IFT88: variants seen among roughly 807,000 people sequenced by gnomAD.
IFT88 encodes intraflagellar transport 88.
Under a neutral mutation model 119.5 loss-of-function variants are expected in IFT88, and 74 were observed. The observed-to-expected ratio is 0.62, with a 90% CI of 0.51 to 0.75. The LOEUF (loss-of-function observed/expected upper bound fraction) is 0.75. IFT88 is among the 30% of genes least tolerant of loss of function. The pLI, the probability that IFT88 is intolerant of heterozygous loss-of-function variation, is 0.00. For synonymous variants in IFT88, 279 were observed against 316.7 expected, an observed-to-expected ratio of 0.88 and a Z score of 1.26; for missense variants, 961 against 977.7, an observed-to-expected ratio of 0.98 and a Z score of 0.23.
chr13:20,605,717 G>A (rs2043323197), intron 13 of IFT88, among the ~76,000 whole-genome samples: 2 of 152,258 alleles, frequency 1.3e-5, no homozygotes, highest in Admixed American at 6.5e-5. Flanking sequence ...TGGGCCTCCT[G>A]AACTCCTGAC....
At position 20,630,289 on chromosome 13, in the gene IFT88, T is replaced by C. The variant is rs185724537; in HGVS notation, c.1300-727T>C. 1.3e-3 allele frequency among the ~76,000 whole-genome samples: 201 copies of C among 152,338 alleles called. 2 individuals carry two copies. Among genetic ancestry groups the C allele is most frequent in the African/African-American group, 4.5e-3 (189 of 41,588 alleles). Reference sequence around the variant, plus strand: ...TTTAGTCTGAACATTTTCTGGGACCTTGGCCTTAAAGTCCTGTTTGCTTTG... The same window carrying C: ...TTTAGTCTGAACATTTTCTGGGACCCTGGCCTTAAAGTCCTGTTTGCTTTG... On this transcript the variant is annotated intron_variant, in intron 15 of 25. Transcript: ENST00000351808.
At chr13:20,604,926 A>G in intron 12 of IFT88, 109 bp from the exon 13 acceptor site, 1 of 537,880 alleles carries the variant, frequency 1.9e-6, no homozygotes, top group Non-Finnish European at 3.4e-6. Context: ...ACTGCACTGC[A>G]GCCTGGGCAA....
In IFT88 at chr13:20,672,450, C is replaced by T. The variant is rs116350237; in HGVS notation, c.2242+1411C>T. 3.1e-3 allele frequency among the ~76,000 whole-genome samples: 466 copies of T among 152,298 alleles called. 1 individual carries two copies. The highest frequency in any genetic ancestry group is 0.011 in the African/African-American group (450 of 41,554). ...TAGCCACTTCCATCTCTTCAGCCAC[C>T]ATGGTCCTGATGGCTACTCCTGTCT... On this transcript the variant is annotated intron_variant, in intron 24 of 25. Transcript: ENST00000351808.
At chr13:20,568,179 TAAAAA>T (rs34335945) in intron 1 of IFT88, among the ~76,000 whole-genome samples, 2 of 143,854 alleles carry the variant, frequency 1.4e-5, no homozygotes, top group African/African-American at 5.1e-5. Flanking sequence ...ACCTTTCACT[TAAAAA>T]AAAAAAAGGT....
At chr13:20,621,639 CAG>C (rs1290544449) in intron 14 of IFT88, among the ~76,000 whole-genome samples, 10 of 149,894 alleles carry the variant, frequency 6.7e-5, no homozygotes, top group African/African-American at 1.7e-4. Flanking sequence ...ACAGAATGTA[CAG>C]AGTTTCCATA....
At chr13:20,609,842 G>A (rs1566181069) in intron 13 of IFT88, among the ~76,000 whole-genome samples, 2 of 152,198 alleles carry the variant, frequency 1.3e-5, no homozygotes, top group African/African-American at 4.8e-5. Context: ...CACGACCCCA[G>A]TAGGTAACCC....
At chr13:20,569,344 C>T (rs367565870) in intron 1 of IFT88, among the ~76,000 whole-genome samples, 20 of 148,968 alleles carry the variant, frequency 1.3e-4, no homozygotes, top group East Asian at 8.3e-4. Flanking sequence ...GAGGCCGAGC[C>T]GGGCGGATCA....
At chr13:20,575,131 G>T (rs894984025) in intron 2 of IFT88, among the ~76,000 whole-genome samples, 1 of 150,654 alleles carries the variant, frequency 6.6e-6, no homozygotes, top group Non-Finnish European at 1.5e-5. Flanking sequence ...CCAGCCTCTG[G>T]TAATCATCCT....
chr13:20,570,334 A>G (rs1232530831), intron 1 of IFT88, among the ~76,000 whole-genome samples: 1 of 152,242 alleles, frequency 6.6e-6, no homozygotes, highest in Non-Finnish European at 1.5e-5. Flanking sequence ...AAAGTTAAAC[A>G]TAGAGTTACT....
At chr13:20,587,353 G>T (rs912832285) in intron 3 of IFT88, among the ~76,000 whole-genome samples, 13 of 152,142 alleles carry the variant, frequency 8.5e-5, no homozygotes, top group African/African-American at 3.1e-4. Context: ...CACCTCCTGG[G>T]TTCAAGCAAT....
intron 16 of IFT88, 50 bp downstream of exon 16, chr13:20,631,152 T>C (rs1390401839): frequency 8.6e-7 from 1 of 1,167,676 alleles, no homozygotes. Context: ...TTTATATTGC[T>C]AAATTTCTGC....
Position 20,591,665 on chromosome 13 carries a change from C to G in IFT88, c.312C>G (p.Thr104=). ...PMTAVRAAGF[T]KAALRGSAFD... ...CAGCAGTGAGAGCAGCTGGTTTTAC[C>G]AAAGCAGCTTTGAGAGGTTTGTTAC... The change falls in exon 6 of 26, where the codon ACC becomes ACG. Residue 104 remains threonine (T), a synonymous_variant. Coordinates refer to ENST00000351808, the MANE Select transcript of IFT88 (RefSeq NM_006531.5). The G allele has an allele frequency of 6.2e-7, 1 of 1,611,194 alleles. No individual in the cohort carries two copies. The highest frequency in any genetic ancestry group is 8.5e-7 in the Non-Finnish European group (1 of 1,177,782).
Position 20,599,643 on chromosome 13 carries a change from C to T in IFT88, c.812+78C>T, listed in dbSNP as rs758764952. ...CAAGATAACTCTTCTGACCTGTTTT[C>T]AGTGGGTTGAACATTTCAAAGTGTT... On this transcript the variant is annotated intron_variant, in intron 11 of 25. Transcript: ENST00000351808. 1.4e-3 allele frequency: 953 copies of T among 672,572 alleles called. 15 individuals carry two copies. Among genetic ancestry groups the T allele is most frequent in the Non-Finnish European group, 2.8e-4 (108 of 384,692 alleles). The allele number at this position is 672,572 out of a possible 1,614,324, so 41.7% of individuals were successfully genotyped here.
intron 18 of IFT88, chr13:20,642,845 T>C (rs1404131801): frequency 6.6e-6 from 1 of 152,116 alleles, no homozygotes; most frequent in Non-Finnish European, 1.5e-5. Context: ...CTGGTGTCAC[T>C]CTTGTCACCA....
intron 24 of IFT88, among the ~76,000 whole-genome samples, chr13:20,686,658 G>T (rs576687238): frequency 2.0e-5 from 3 of 151,894 alleles, no homozygotes; most frequent in Non-Finnish European, 4.4e-5. Flanking sequence ...AATCTCTGCC[G>T]CAACCTGTTT....
intron 13 of IFT88, among the ~76,000 whole-genome samples, chr13:20,612,959 C>A (rs1183396845): frequency 6.6e-6 from 1 of 152,036 alleles, no homozygotes; most frequent in African/African-American, 2.4e-5. Context: ...GAACTATAGA[C>A]CTAAATGTAA....
intron 13 of IFT88, among the ~76,000 whole-genome samples, chr13:20,609,616 T>C (rs2044111836): frequency 6.6e-6 from 1 of 151,966 alleles, no homozygotes; most frequent in South Asian, 2.1e-4. Flanking sequence ...TGGTGGCACA[T>C]GCCTGTAGTC....
intron 14 of IFT88, among the ~76,000 whole-genome samples, chr13:20,623,383 A>T (rs1356901885): frequency 6.6e-6 from 1 of 152,168 alleles, no homozygotes; most frequent in Non-Finnish European, 1.5e-5. Context: ...GATTGCATTG[A>T]ATTCATAGAT....
intron 19 of IFT88, 91 bp from the exon 20 acceptor site, chr13:20,644,752 G>C: frequency 1.6e-6 from 1 of 621,418 alleles, no homozygotes; most frequent in Non-Finnish European, 2.9e-6. Context: ...ATTCCATATT[G>C]GATAAATTTA....
Sources: gnomAD v4.1 joint callset for allele counts (sites outside exome capture counted in the v4.1 genomes callset) on GRCh38, gnomAD v4.1.1 for gene constraint, MANE v1.5 for transcripts, NCBI Gene and HGNC (gene_info 2026-07-23, HGNC 2026-07-21) for gene names.